MED13L: variants seen among roughly 807,000 people sequenced by gnomAD.
The protein encoded by MED13L is mediator of RNA polymerase II transcription subunit 13-like.
A neutral mutation model predicts 220.9 loss-of-function variants in MED13L; 7 were observed. The ratio of observed to expected loss-of-function variants is 0.03; its 90% CI spans 0.02 to 0.06. The LOEUF is 0.06. MED13L is among the 10% of genes least tolerant of loss of function. MED13L has a pLI of 1.00. For synonymous variants in MED13L, 1,011 were observed against 1,015.2 expected (o/e 1.00, Z 0.08); for missense variants, 1,965 against 2,760.5 (o/e 0.71, Z 6.46).
intron 4 of MED13L, among the ~76,000 whole-genome samples, chr12:116,069,727 G>A (rs1241880163): frequency 2.0e-5 from 3 of 152,078 alleles, no homozygotes; most frequent in Admixed American, 6.5e-5. Flanking sequence ...ATGACACCAC[G>A]AATGAAAAAT....
Position 116,008,958 on chromosome 12 carries a change from T to G in MED13L, c.1455A>C (p.Ile485=). The change falls in exon 10 of 31, where the codon ATA becomes ATC. Residue 485 remains isoleucine (I), a synonymous_variant. Transcript: ENST00000281928. ...CCACAGAGGGCCTATGGTGAAATGG[T>G]ATTAAGGGTCTCTTTTGCAGCTTGT... ...KGDKLQKRPL[I]PFHHRPSVAE... is the part of the protein sequence containing the mutation. The G allele has an allele frequency of 6.2e-7, 1 of 1,614,080 alleles. No individual in the cohort carries two copies. Among genetic ancestry groups the G allele is most frequent in the South Asian group, 1.1e-5 (1 of 91,086 alleles).
intron 2 of MED13L, among the ~76,000 whole-genome samples, chr12:116,144,080 A>G (rs1192915943): frequency 6.6e-6 from 1 of 152,124 alleles, no homozygotes; most frequent in Non-Finnish European, 1.5e-5. Flanking sequence ...TGTTCCATAC[A>G]CAGCACACAA....
At chr12:116,216,942 A>G (rs1316621787) in intron 2 of MED13L, among the ~76,000 whole-genome samples, 1 of 152,252 alleles carries the variant, frequency 6.6e-6, no homozygotes, top group Non-Finnish European at 1.5e-5. Context: ...GTTATTAAGG[A>G]CAGAAAACTT....
chr12:116,102,430 A>G (rs1873131891), intron 3 of MED13L, among the ~76,000 whole-genome samples: 1 of 152,164 alleles, frequency 6.6e-6, no homozygotes, highest in Non-Finnish European at 1.5e-5. Context: ...AGGTTTCCCT[A>G]CCATAATCTC....
chr12:116,104,548 G>A (rs1873388490), intron 3 of MED13L, among the ~76,000 whole-genome samples: 1 of 152,122 alleles, frequency 6.6e-6, no homozygotes. Context: ...AACTACCATG[G>A]GGTAAATATG....
rs755650114 is a variant in MED13L, at chr12:116,022,547, G to A, written c.534C>T (p.Cys178=). The A allele has an allele frequency of 6.8e-6, 11 of 1,613,154 alleles. No homozygotes were observed. The highest frequency in any genetic ancestry group is 9.3e-6 in the Non-Finnish European group (11 of 1,179,624). Residue 178 remains cysteine (C), a synonymous_variant, in exon 5 of 31, where the codon TGC becomes TGT. Transcript: ENST00000281928. The part of the protein sequence containing the change: ...TFFLHGESNV[C]TSVEIAQHQP... ...GGTGCTGGGCAATCTCCACACTTGT[G>A]CATACATTACTTTCTCCATGCAGAA...
At chr12:116,075,636 C>G (rs1448192388) in intron 4 of MED13L, among the ~76,000 whole-genome samples, 1 of 152,200 alleles carries the variant, frequency 6.6e-6, no homozygotes, top group African/African-American at 2.4e-5. Context: ...TACTGAACAT[C>G]TTCATGTTGT....
Position 115,969,012 on chromosome 12 carries a change from G to A in MED13L, c.6153C>T (p.Pro2051=). 1 of 1,614,002 alleles carries A rather than the reference G, an allele frequency of 6.2e-7. No homozygotes were observed. The highest frequency in any genetic ancestry group is 1.1e-5 in the South Asian group (1 of 91,084). The change falls in exon 28 of 31, where the codon CCC becomes CCT. Residue 2051 remains proline, a synonymous_variant. Coordinates refer to ENST00000281928, the MANE Select transcript of MED13L (RefSeq NM_015335.5). ...ILMTGNLHSS[P]NSSPVPSPGS... ...CTGGGGAGGGTACTGGGGAAGAGTT[G>A]GGAGAGGAATGGAGGTTCCCAGTCA... is the stretch of plus-strand genomic sequence containing the variant.
At chr12:116,218,250 G>T (rs1203129591) in intron 2 of MED13L, among the ~76,000 whole-genome samples, 1 of 152,026 alleles carries the variant, frequency 6.6e-6, no homozygotes, top group Non-Finnish European at 1.5e-5. Context: ...ATAATAAAAT[G>T]GGATTTTTTA....
intron 2 of MED13L, among the ~76,000 whole-genome samples, chr12:116,225,487 C>T (rs1436494367): frequency 3.9e-5 from 6 of 152,158 alleles, no homozygotes; most frequent in African/African-American, 1.4e-4. Context: ...ACGCTATTAC[C>T]TCCCTAAACA....
At chr12:116,277,026 G>T in intron 1 of MED13L, 34 bp downstream of exon 1, 2 of 780,316 alleles carry the variant, frequency 2.6e-6, no homozygotes, top group Non-Finnish European at 4.1e-6. Flanking sequence ...CCCCTTCCCC[G>T]GCACAGCCCC....
chr12:116,054,505 CATGTTAAGT>C (rs1407838366), intron 4 of MED13L, among the ~76,000 whole-genome samples: 4 of 152,184 alleles, frequency 2.6e-5, no homozygotes, highest in African/African-American at 9.6e-5. Context: ...ACAACTTAAG[CATGTTAAGT>C]ACTTTTCTTT....
rs533000055 is a variant in MED13L at position 116,220,935 on chromosome 12, A to G, written c.310+16533T>C. Among the ~76,000 whole-genome samples, 231 of 152,338 alleles carry G rather than the reference A, an allele frequency of 1.5e-3. 1 individual carries two copies. The highest frequency in any genetic ancestry group is 5.2e-3 in the African/African-American group (216 of 41,582). ...GAATATACTACTGAACTCAAACTTC[A>G]GTGATTAGTTTGAAGTCCCTCTAGT... is the stretch of plus-strand genomic sequence containing the variant. On this transcript the variant is annotated intron_variant, in intron 2 of 30. Transcript: ENST00000281928.
chr12:116,039,495 G>T (rs1881395068), intron 4 of MED13L, among the ~76,000 whole-genome samples: 1 of 152,068 alleles, frequency 6.6e-6, no homozygotes, highest in Non-Finnish European at 1.5e-5. Flanking sequence ...TCAAAACACA[G>T]TATGGCCTTC....
intron 3 of MED13L, among the ~76,000 whole-genome samples, chr12:116,102,244 T>G (rs1053758948): frequency 6.6e-6 from 1 of 152,216 alleles, no homozygotes; most frequent in East Asian, 1.9e-4. Flanking sequence ...CCCCAAACTC[T>G]AATCCCAAAG....
intron 4 of MED13L, among the ~76,000 whole-genome samples, chr12:116,091,120 C>CAAAAAA (rs5801163): frequency 2.3e-5 from 2 of 87,388 alleles, no homozygotes; most frequent in Admixed American, 1.3e-4. Flanking sequence ...AACTCTGTCT[C>CAAAAAA]AAAAAAAAAA....
intron 1 of MED13L, among the ~76,000 whole-genome samples, chr12:116,264,720 T>C (rs1246753214): frequency 6.6e-6 from 1 of 152,210 alleles, no homozygotes; most frequent in Non-Finnish European, 1.5e-5. Context: ...CATCTTTCCT[T>C]CTGTCTTTCC....
intron 16 of MED13L, 32 bp downstream of exon 16, chr12:115,996,444 T>C (rs1276458154): frequency 1.9e-6 from 3 of 1,591,444 alleles, no homozygotes; most frequent in African/African-American, 1.3e-5. Context: ...GCATCAAATA[T>C]GGCAAGTAAA....
chr12:116,130,178 T>G (rs1282668731), intron 2 of MED13L, among the ~76,000 whole-genome samples: 1 of 152,210 alleles, frequency 6.6e-6, no homozygotes, highest in South Asian at 2.1e-4. Context: ...TTGAAAGTGA[T>G]CATACTTGTA....
Sources: gnomAD v4.1 joint callset for allele counts (sites outside exome capture counted in the v4.1 genomes callset) on GRCh38, gnomAD v4.1.1 for gene constraint, MANE v1.5 for transcripts, NCBI Gene and HGNC (gene_info 2026-07-23, HGNC 2026-07-21) for gene names.